STARD8: variants seen among roughly 807,000 people sequenced by gnomAD.
The protein encoded by STARD8 is stAR-related lipid transfer protein 8.
Under a neutral mutation model 69.4 loss-of-function variants are expected in STARD8, and 25 were observed. The ratio of observed to expected loss-of-function variants is 0.36; its 90% confidence interval spans 0.26 to 0.50. The LOEUF (loss-of-function observed/expected upper bound fraction) is 0.50, where lower values mean the gene tolerates loss of function less well. Ranked by LOEUF, STARD8 falls within the 20% of genes least tolerant of loss-of-function variation. The pLI is 0.96. For missense variants in STARD8, 921 were observed against 932.5 expected (o/e 0.99, Z 0.16); for synonymous variants, 389 against 374.6 (o/e 1.04, Z -0.45).
At chrX:68,698,294 A>AG (rs1175671368) in intron 2 of STARD8, among the ~76,000 whole-genome samples, 3 of 111,121 alleles carry the variant, frequency 2.7e-5, no homozygotes, top group Non-Finnish European at 5.7e-5. Context: ...AAAAAGGGGT[A>AG]GGGGGGTGTT....
At chrX:68,695,515 A>G (rs753871337) in intron 2 of STARD8, among the ~76,000 whole-genome samples, 1 of 111,296 alleles carries the variant, frequency 9.0e-6, no homozygotes, top group Non-Finnish European at 1.9e-5. Context: ...CTGTGCATCT[A>G]CAGCTCCCCT....
At chrX:68,659,476 C>A (rs925570418) in intron 1 of STARD8, among the ~76,000 whole-genome samples, 22 of 110,835 alleles carry the variant, frequency 2.0e-4, no homozygotes, top group Non-Finnish European at 4.0e-4. Context: ...CTGCTCCCAC[C>A]CCTGGTCAGA....
chrX:68,668,057 T>TTTTCTTTTTC (rs1556021448), intron 2 of STARD8, among the ~76,000 whole-genome samples: 1 of 71,566 alleles, frequency 1.4e-5, no homozygotes, highest in Non-Finnish European at 2.7e-5. Flanking sequence ...TCTCTCTTTC[T>TTTTCTTTTTC]TTTCTTTCTT....
chrX:68,693,329 C>T (rs750464366), intron 2 of STARD8, among the ~76,000 whole-genome samples: 5 of 112,904 alleles, frequency 4.4e-5, no homozygotes, highest in Admixed American at 1.9e-4. Context: ...CTCCCGGGCA[C>T]ATAGCATATG....
At chrX:68,677,922 A>C (rs190860442) in intron 2 of STARD8, among the ~76,000 whole-genome samples, 2,764 of 103,989 alleles carry the variant, frequency 0.027, 92 homozygotes, top group African/African-American at 0.091. Context: ...TTCTGAATGG[A>C]TCAGATGTAA....
At chrX:68,711,460 A>T (rs1453696719) in intron 2 of STARD8, among the ~76,000 whole-genome samples, 1 of 111,383 alleles carries the variant, frequency 9.0e-6, no homozygotes, top group African/African-American at 3.3e-5. Context: ...CACTCACAGA[A>T]ATGCAGAGAT....
intron 1 of STARD8, among the ~76,000 whole-genome samples, chrX:68,658,953 T>A (rs1323450763): frequency 8.9e-6 from 1 of 112,338 alleles, no homozygotes; most frequent in Non-Finnish European, 1.9e-5. Context: ...TGGAAATGGA[T>A]GCAGGCTGAC....
chrX:68,677,051 T>C (rs987572470), intron 2 of STARD8, among the ~76,000 whole-genome samples: 2 of 107,416 alleles, frequency 1.9e-5, no homozygotes, highest in African/African-American at 6.8e-5. Context: ...GAAGCTGAGG[T>C]GGGAGGATGG....
chrX:68,699,602 C>T (rs904818192), intron 2 of STARD8, among the ~76,000 whole-genome samples: 3 of 110,915 alleles, frequency 2.7e-5, no homozygotes, highest in Non-Finnish European at 3.8e-5. Flanking sequence ...CAAGCGTCTG[C>T]GCTCCTTCTC....
chrX:68,652,947 C>T (rs1398027187), intron 1 of STARD8, among the ~76,000 whole-genome samples: 1 of 7,112 alleles, frequency 1.4e-4, no homozygotes, highest in Non-Finnish European at 2.9e-4. Context: ...CACACACACA[C>T]CACACCACAC....
chrX:68,652,470 G>T (rs1184341033), intron 1 of STARD8, among the ~76,000 whole-genome samples: 4 of 111,185 alleles, frequency 3.6e-5, no homozygotes, highest in Non-Finnish European at 7.5e-5. Context: ...GCTTTGAGCT[G>T]CTCTTGTGTT....
At chrX:68,690,432 A>AGG (rs200990652) in intron 2 of STARD8, among the ~76,000 whole-genome samples, 1 of 87,998 alleles carries the variant, frequency 1.1e-5, no homozygotes, top group Non-Finnish European at 2.2e-5. Flanking sequence ...CCAGGCAGGC[A>AGG]GGGCGGGGGG....
chrX:68,723,712 G>A lies in STARD8; in HGVS notation c.2886G>A (p.Arg962=). The A allele has an allele frequency of 2.5e-6, 3 of 1,194,828 alleles. No individual in the cohort carries two copies. Among genetic ancestry groups the A allele is most frequent in the Non-Finnish European group, 3.4e-6 (3 of 886,843 alleles). The change falls in exon 13 of 15, where the codon CGG becomes CGA. Residue 962 remains arginine (R), a synonymous_variant. Coordinates refer to ENST00000374599, the MANE Select transcript of STARD8 (RefSeq NM_001142503.3). ...PPAVVLHRVL[R]ERALWDEDLL... Reference sequence around the variant, plus strand: ...CTGTGGTGCTGCATCGTGTTCTCCGGGAGCGGGCCCTCTGGGATGAGGATC... The same window carrying A: ...CTGTGGTGCTGCATCGTGTTCTCCGAGAGCGGGCCCTCTGGGATGAGGATC...
At chrX:68,665,805 A>G (rs1187150589) in intron 2 of STARD8, among the ~76,000 whole-genome samples, 2 of 112,189 alleles carry the variant, frequency 1.8e-5, no homozygotes, top group East Asian at 5.6e-4. Context: ...GCTTTCAGCA[A>G]GTGGCAGCCA....
At chrX:68,652,946 A>C (rs1168459539) in intron 1 of STARD8, among the ~76,000 whole-genome samples, 30 of 18,521 alleles carry the variant, frequency 1.6e-3, no homozygotes, top group Admixed American at 5.2e-3. Flanking sequence ...ACACACACAC[A>C]CCACACCACA....
chrX:68,661,245 C>G (rs1416688076), intron 1 of STARD8, among the ~76,000 whole-genome samples: 3 of 111,778 alleles, frequency 2.7e-5, no homozygotes, highest in African/African-American at 9.8e-5. Flanking sequence ...GAGGATGGCC[C>G]GGTTCTGGAC....
chrX:68,721,040 C>T lies in STARD8; in HGVS notation c.2166C>T (p.Asp722=), dbSNP rs1225276327. The T allele has an allele frequency of 3.3e-6, 4 of 1,212,009 alleles. No individual in the cohort carries two copies. Residue 722 remains aspartate, a synonymous_variant, in exon 9 of 15, where the codon GAC becomes GAT. Coordinates refer to ENST00000374599, the MANE Select transcript of STARD8 (RefSeq NM_001142503.3). ...GCCAGTCAGCCTACGACGTGGCTGACCTGCTAAAGCAGTATTTCCGGGACC... is the reference window on the plus strand; with the variant it reads ...GCCAGTCAGCCTACGACGTGGCTGATCTGCTAAAGCAGTATTTCCGGGACC... ...YEGQSAYDVA[D]LLKQYFRDLP...
chrX:68,699,383 T>C (rs1258039199), intron 2 of STARD8, among the ~76,000 whole-genome samples: 1 of 112,362 alleles, frequency 8.9e-6, no homozygotes, highest in Non-Finnish European at 1.9e-5. Context: ...CCTGGGAATG[T>C]GATATGTTTC....
intron 4 of STARD8, 148 bp from the exon 5 acceptor site, chrX:68,716,220 T>C: frequency 2.0e-6 from 1 of 492,676 alleles, no homozygotes; most frequent in South Asian, 3.2e-5. Flanking sequence ...CTTCCCAGCA[T>C]TGTGTCTGGT....
Sources: allele counts gnomAD v4.1 joint callset (sites outside exome capture counted in the v4.1 genomes callset), GRCh38; gene constraint gnomAD v4.1.1; transcripts MANE v1.5; gene names NCBI Gene and HGNC (gene_info 2026-07-23, HGNC 2026-07-21).